ZCWPW2: variants seen among roughly 807,000 people sequenced by gnomAD.
The protein encoded by ZCWPW2 is zinc finger CW-type and PWWP domain containing 2.
ZCWPW2 carries 45 observed loss-of-function variants against 46.6 expected under a neutral mutation model. That is an observed-to-expected ratio of 0.96 (90% confidence interval 0.76 to 1.24). ZCWPW2 has a LOEUF of 1.24. Among genes scored for constraint, ZCWPW2 ranks in the 50% most tolerant of loss-of-function variants. ZCWPW2 has a pLI of 0.00. For synonymous variants in ZCWPW2, 152 were observed against 137.1 expected (o/e 1.11, Z -0.76); for missense variants, 429 against 403.9 (o/e 1.06, Z -0.53).
intron 2 of ZCWPW2, among the ~76,000 whole-genome samples, chr3:28,395,325 A>G (rs963250610): frequency 6.6e-6 from 1 of 152,164 alleles, no homozygotes; most frequent in African/African-American, 2.4e-5. Flanking sequence ...AAAATGGTAC[A>G]ACTGTTGTGG....
At chr3:28,475,618 T>C (rs1267337119) in intron 4 of ZCWPW2, among the ~76,000 whole-genome samples, 1 of 152,200 alleles carries the variant, frequency 6.6e-6, no homozygotes, top group African/African-American at 2.4e-5. Context: ...TTTTCTGAAA[T>C]CATTTCCTAT....
intron 6 of ZCWPW2, among the ~76,000 whole-genome samples, chr3:28,511,816 T>C (rs917110340): frequency 6.6e-6 from 1 of 152,182 alleles, no homozygotes; most frequent in African/African-American, 2.4e-5. Flanking sequence ...TCACTTCTTT[T>C]TGATTTTTCT....
At chr3:28,497,333 T>A (rs1035428894) in intron 6 of ZCWPW2, among the ~76,000 whole-genome samples, 1 of 151,888 alleles carries the variant, frequency 6.6e-6, no homozygotes, top group African/African-American at 2.4e-5. Flanking sequence ...CTCTATAGAT[T>A]TAAATACTTT....
chr3:28,508,001 T>G (rs1016732428), intron 6 of ZCWPW2, among the ~76,000 whole-genome samples: 7 of 152,120 alleles, frequency 4.6e-5, no homozygotes, highest in East Asian at 1.9e-4. Context: ...TAATAAAGAT[T>G]TATTTGGCTC....
intron 5 of ZCWPW2, among the ~76,000 whole-genome samples, chr3:28,479,965 T>C (rs1485251573): frequency 6.6e-6 from 1 of 152,168 alleles, no homozygotes; most frequent in Non-Finnish European, 1.5e-5. Context: ...CCACATTTTC[T>C]TTATACCATT....
intron 1 of ZCWPW2, among the ~76,000 whole-genome samples, chr3:28,356,651 A>G (rs528394736): frequency 6.6e-6 from 1 of 152,380 alleles, no homozygotes; most frequent in Admixed American, 6.5e-5. Context: ...TGTTACATAT[A>G]CAACATGGAA....
chr3:28,360,532 A>G (rs1704901806), intron 1 of ZCWPW2, among the ~76,000 whole-genome samples: 1 of 151,736 alleles, frequency 6.6e-6, no homozygotes, highest in Admixed American at 6.6e-5. Context: ...GAAAAAAAAA[A>G]AAAAAATTCT....
intron 1 of ZCWPW2, among the ~76,000 whole-genome samples, chr3:28,389,789 G>T (rs1226218398): frequency 1.3e-5 from 2 of 152,160 alleles, no homozygotes; most frequent in Admixed American, 6.6e-5. Flanking sequence ...GATGGGGGAG[G>T]CCAGTGGGCT....
chr3:28,454,179 C>A (rs1385375264), intron 4 of ZCWPW2, among the ~76,000 whole-genome samples: 1 of 152,150 alleles, frequency 6.6e-6, no homozygotes, highest in Non-Finnish European at 1.5e-5. Flanking sequence ...TATTGTTTAT[C>A]ATTTTCCTTT....
chr3:28,458,058 A>T (rs893755223), intron 4 of ZCWPW2, among the ~76,000 whole-genome samples: 2 of 152,210 alleles, frequency 1.3e-5, no homozygotes. Flanking sequence ...TTTTTTTATG[A>T]TATGGGCTAA....
chr3:28,411,222 C>T (rs964070977), intron 2 of ZCWPW2, among the ~76,000 whole-genome samples: 3 of 151,648 alleles, frequency 2.0e-5, no homozygotes, highest in Non-Finnish European at 2.9e-5. Context: ...GTTTATTATT[C>T]AAAAATTCAT....
At chr3:28,521,679 C>T (rs1338035488) in intron 9 of ZCWPW2, among the ~76,000 whole-genome samples, 2 of 152,118 alleles carry the variant, frequency 1.3e-5, no homozygotes, top group Non-Finnish European at 2.9e-5. Context: ...TTCAGTGTCT[C>T]TGCAATAAAA....
intron 6 of ZCWPW2, among the ~76,000 whole-genome samples, chr3:28,505,755 T>G (rs939750009): frequency 6.6e-6 from 1 of 152,126 alleles, no homozygotes; most frequent in Non-Finnish European, 1.5e-5. Flanking sequence ...AGCAAGCAGC[T>G]CTTTAGTGAT....
intron 9 of ZCWPW2, 136 bp from the exon 10 acceptor site, chr3:28,524,391 G>A: frequency 1.2e-6 from 1 of 837,198 alleles, no homozygotes; most frequent in South Asian, 1.7e-5. Context: ...ACTATATATA[G>A]TGATTATTAT....
chr3:28,457,064 A>T (rs1470298256), intron 4 of ZCWPW2, among the ~76,000 whole-genome samples: 1 of 152,000 alleles, frequency 6.6e-6, no homozygotes, highest in East Asian at 1.9e-4. Context: ...TCTTCTTTAT[A>T]CCTCTGCCCT....
intron 2 of ZCWPW2, among the ~76,000 whole-genome samples, chr3:28,399,195 G>C (rs1430326322): frequency 6.6e-6 from 1 of 152,094 alleles, no homozygotes; most frequent in East Asian, 1.9e-4. Context: ...CTGCATGACA[G>C]TGTAGACAGC....
intron 3 of ZCWPW2, among the ~76,000 whole-genome samples, chr3:28,429,990 A>G (rs1437435290): frequency 1.3e-5 from 2 of 152,170 alleles, no homozygotes; most frequent in African/African-American, 4.8e-5. Flanking sequence ...CTCTGCTAGG[A>G]GAGTGCAGAA....
chr3:28,405,951 C>T (rs1696141197), intron 2 of ZCWPW2, among the ~76,000 whole-genome samples: 1 of 152,136 alleles, frequency 6.6e-6, no homozygotes, highest in Non-Finnish European at 1.5e-5. Context: ...AGGAACATAT[C>T]ATAAAGCAAT....
chr3:28,515,932 G>T (rs1236071758), intron 8 of ZCWPW2, among the ~76,000 whole-genome samples: 1 of 151,992 alleles, frequency 6.6e-6, no homozygotes, highest in Non-Finnish European at 1.5e-5. Context: ...TCTCAGTCAT[G>T]TATTTAATTT....
Sources: allele counts gnomAD v4.1 joint callset (sites outside exome capture counted in the v4.1 genomes callset), GRCh38; gene constraint gnomAD v4.1.1; transcripts MANE v1.5; gene names NCBI Gene and HGNC (gene_info 2026-07-23, HGNC 2026-07-21).